DOCK10: variants seen among roughly 807,000 people sequenced by gnomAD.
DOCK10 encodes dedicator of cytokinesis protein 10.
DOCK10 carries 145 observed loss-of-function variants against 280.1 expected under a neutral mutation model. That is an observed-to-expected ratio of 0.52 (90% CI 0.45 to 0.59). DOCK10 has a LOEUF of 0.59. Ranked by LOEUF, DOCK10 falls within the 20% of genes least tolerant of loss-of-function variation. The pLI, the probability that DOCK10 is intolerant of heterozygous loss-of-function variation, is 0.00. For missense variants in DOCK10, 2,368 were observed against 2,651.7 expected (o/e 0.89, Z 2.35); for synonymous variants, 915 against 942.2 (o/e 0.97, Z 0.53).
At chr2:224,891,347 G>A (rs1463970672) in intron 4 of DOCK10, among the ~76,000 whole-genome samples, 7 of 152,048 alleles carry the variant, frequency 4.6e-5, no homozygotes, top group Admixed American at 2.6e-4. Flanking sequence ...ATAAAAAATT[G>A]TACAACAGAT....
In DOCK10 at chr2:225,035,587, T is replaced by TAAAA. The variant is rs1410082689; in HGVS notation, c.123+6664_123+6665insTTTT. ...ATATATATATATATATATATATATATAACACTGAATCAGTGTTAATTGTGT... is the reference window on the plus strand; with the variant it reads ...ATATATATATATATATATATATATATAAAAAACACTGAATCAGTGTTAATTGTGT... On this transcript the variant is annotated intron_variant, in intron 1 of 55. Transcript: ENST00000258390. Among the ~76,000 whole-genome samples the TAAAA allele has an allele frequency of 4.1e-4, 46 of 111,224 alleles. 1 individual carries two copies. Among genetic ancestry groups the TAAAA allele is most frequent in the South Asian group, 2.1e-3 (8 of 3,844 alleles). 73.0% of individuals were successfully genotyped at this position (111,224 alleles called of 152,430 possible).
intron 41 of DOCK10, among the ~76,000 whole-genome samples, chr2:224,798,852 T>C (rs1250468661): frequency 6.6e-6 from 1 of 152,182 alleles, no homozygotes; most frequent in East Asian, 1.9e-4. Context: ...CAGGTTGGTC[T>C]TGAACTCCTG....
intron 1 of DOCK10, among the ~76,000 whole-genome samples, chr2:225,003,877 T>A (rs1255125762): frequency 2.0e-5 from 3 of 152,228 alleles, no homozygotes; most frequent in Non-Finnish European, 4.4e-5. Flanking sequence ...GAGTTTTACA[T>A]CTGCTCTACA....
intron 4 of DOCK10, among the ~76,000 whole-genome samples, chr2:224,889,350 A>C (rs1699524167): frequency 6.6e-6 from 1 of 152,240 alleles, no homozygotes; most frequent in Non-Finnish European, 1.5e-5. Flanking sequence ...CAAAAGGAAC[A>C]TTGGCCTCAC....
At chr2:224,865,118 G>C in intron 11 of DOCK10, 31 bp from the exon 12 acceptor site, 3 of 1,597,358 alleles carry the variant, frequency 1.9e-6, no homozygotes, top group Non-Finnish European at 2.6e-6. Context: ...AGATGTTTTT[G>C]ATATAAAATC....
Position 224,859,623 on chromosome 2 carries a change from G to A in DOCK10, c.1686-2641C>T, listed in dbSNP as rs531934805. On this transcript the variant is annotated intron_variant, in intron 14 of 55. Transcript: ENST00000258390. The stretch of plus-strand genomic sequence containing the variant: ...ACTGCAGTGGGTGGGATGATTAAAT[G>A]TGGGTAAAAATATGGTCATAATCTA... Among the ~76,000 whole-genome samples, 44 of 152,332 alleles carry A rather than the reference G, an allele frequency of 2.9e-4. No individual in the cohort carries two copies. In the South Asian group the frequency reaches 6.4e-3, roughly 22 times the overall value.
chr2:224,792,558 C>T (rs1692273316), intron 47 of DOCK10, among the ~76,000 whole-genome samples: 1 of 152,212 alleles, frequency 6.6e-6, no homozygotes, highest in Non-Finnish European at 1.5e-5. Flanking sequence ...GCTGGGATTA[C>T]AGGCGTGAGC....
intron 27 of DOCK10, among the ~76,000 whole-genome samples, chr2:224,827,964 C>A (rs1228190681): frequency 1.3e-5 from 2 of 152,118 alleles, no homozygotes; most frequent in Non-Finnish European, 2.9e-5. Flanking sequence ...TTCCCTGAAG[C>A]CTTAGTGCTA....
chr2:224,796,850 G>T, intron 43 of DOCK10, 114 bp downstream of exon 43: 1 of 911,126 alleles, frequency 1.1e-6, no homozygotes, highest in Non-Finnish European at 1.7e-6. Context: ...TCTTTAAGGA[G>T]GACGCTAGTG....
At chr2:224,917,402 A>G (rs765592530) in intron 2 of DOCK10, among the ~76,000 whole-genome samples, 2 of 152,162 alleles carry the variant, frequency 1.3e-5, no homozygotes, top group Non-Finnish European at 2.9e-5. Context: ...TGCTAAGGCT[A>G]AAATAAATTT....
intron 1 of DOCK10, among the ~76,000 whole-genome samples, chr2:225,035,537 ATATAT>A (rs1690200612): frequency 1.2e-5 from 1 of 82,304 alleles, no homozygotes; most frequent in Admixed American, 1.5e-4. Context: ...ATGATATGAT[ATATAT>A]TATATATATA....
chr2:224,922,191 C>T (rs1032544151), intron 2 of DOCK10, among the ~76,000 whole-genome samples: 1 of 150,200 alleles, frequency 6.7e-6, no homozygotes, highest in Non-Finnish European at 1.5e-5. Context: ...GGCACTTCTT[C>T]TCATTTTAGA....
chr2:224,942,209 G>A (rs983355945), intron 1 of DOCK10, among the ~76,000 whole-genome samples: 6 of 152,172 alleles, frequency 3.9e-5, no homozygotes. Flanking sequence ...TTCCATTTTG[G>A]AAGCAGCTTC....
Position 224,805,511 on chromosome 2 carries a change from A to G in DOCK10, c.3833T>C (p.Ile1278Thr). The change falls in exon 35 of 56, where the codon ATT (isoleucine) becomes ACT (threonine). Residue 1278 changes from isoleucine (I) to threonine (T), a missense_variant. Physicochemically the swap from Ile to Thr is moderately conservative, Grantham distance 89. This residue lies in a region of DOCK10 where 1,159 missense variants were observed against 1,400.8 expected (regional missense o/e 0.83). Coordinates refer to ENST00000258390, the MANE Select transcript of DOCK10 (RefSeq NM_014689.3). This position sits in a 1 kb window ranked among gnomAD's most constrained non-coding sequence, Gnocchi z 4.3. ...NSIAAFSSIA[I>T]STVNHADSRA... is the part of the protein sequence containing the mutation. ...GGAGTCAGCATGGTTTACTGTAGAA[A>G]TAGCTATTGATGAAAATGCTGTAAA... 1.2e-6 allele frequency: 2 copies of G among 1,612,482 alleles called. No homozygotes were observed. Among genetic ancestry groups the G allele is most frequent in the East Asian group, 2.2e-5 (1 of 44,840 alleles).
At chr2:225,013,336 T>C (rs1689498552) in intron 1 of DOCK10, among the ~76,000 whole-genome samples, 1 of 152,170 alleles carries the variant, frequency 6.6e-6, no homozygotes, top group Admixed American at 6.5e-5. Context: ...AGGTCCCTGA[T>C]CACTCAAAAG....
chr2:224,935,242 C>T (rs1205560391), intron 1 of DOCK10, among the ~76,000 whole-genome samples: 1 of 152,178 alleles, frequency 6.6e-6, no homozygotes, highest in African/African-American at 2.4e-5. Flanking sequence ...TATTCCATTA[C>T]AAATATCTGA....
intron 11 of DOCK10, among the ~76,000 whole-genome samples, chr2:224,868,410 G>A (rs564978628): frequency 2.0e-5 from 3 of 152,162 alleles, no homozygotes; most frequent in Non-Finnish European, 2.9e-5. Context: ...GTTGGAATAC[G>A]CCTATAAAAA....
At chr2:225,030,282 A>G (rs1402559104) in intron 1 of DOCK10, among the ~76,000 whole-genome samples, 1 of 152,198 alleles carries the variant, frequency 6.6e-6, no homozygotes, top group Non-Finnish European at 1.5e-5. Flanking sequence ...AAAACTCTCT[A>G]ACATCCTAAC....
intron 11 of DOCK10, among the ~76,000 whole-genome samples, chr2:224,867,976 A>G (rs950070106): frequency 6.6e-6 from 1 of 152,226 alleles, no homozygotes; most frequent in Non-Finnish European, 1.5e-5. Flanking sequence ...GGGACATCCC[A>G]GTGGCAGTTG....
Sources: allele counts gnomAD v4.1 joint callset (sites outside exome capture counted in the v4.1 genomes callset), GRCh38; gene constraint gnomAD v4.1.1; regional missense constraint gnomAD v4.1.1; non-coding constraint Gnocchi (gnomAD v3.1); transcripts MANE v1.5; gene names NCBI Gene and HGNC (gene_info 2026-07-23, HGNC 2026-07-21).